ITGA7: variants seen among roughly 807,000 people sequenced by gnomAD.
The protein encoded by ITGA7 is integrin alpha-7.
ITGA7 carries 84 observed loss-of-function variants against 131.6 expected under a neutral mutation model. The ratio of observed to expected loss-of-function variants is 0.64; its 90% CI spans 0.54 to 0.77. The LOEUF (loss-of-function observed/expected upper bound fraction) is 0.77. Among genes scored for constraint, ITGA7 ranks in the 30% least tolerant of loss-of-function variants. The pLI, the probability that ITGA7 is intolerant of heterozygous loss-of-function variation, is 0.00. For missense variants in ITGA7, 1,399 were observed against 1,482.9 expected, an observed-to-expected ratio of 0.94 and a Z score of 0.93; for synonymous variants, 548 against 600.7, an observed-to-expected ratio of 0.91 and a Z score of 1.28.
chr12:55,714,243 T>C (rs1321201066), upstream of ITGA7, among the ~76,000 whole-genome samples: 5 of 151,942 alleles, frequency 3.3e-5, no homozygotes, highest in African/African-American at 1.2e-4. Flanking sequence ...CCGGGCGCGG[T>C]GGCTCACGCC....
chr12:55,686,381 C>G (rs952108803), intron 24 of ITGA7: 5 of 918,454 alleles, frequency 5.4e-6, no homozygotes, highest in Non-Finnish European at 6.1e-6. Context: ...AGGACAGGAT[C>G]CCCTATCTCT....
chr12:55,685,241 C>A lies in ITGA7; in HGVS notation c.3231G>T (p.Gln1077His). ...CCCGAGGAATCTTCACCGCATGGTA[C>A]TGGGGCACGGTGGCCTCGGGGTGCT... ...RAKHPEATVP[Q>H]YHAVKIPRED... The change falls in exon 25 of 25, where the codon CAG becomes CAT. Residue 1077 changes from glutamine (Q) to histidine (H), a missense_variant. By Grantham distance (24) the Gln-to-His change is conservative (BLOSUM62 0). Coordinates refer to ENST00000257879, the MANE Select transcript of ITGA7 (RefSeq NM_002206.3). 1 of 1,614,220 alleles carries A rather than the reference C, an allele frequency of 6.2e-7. No individual in the cohort carries two copies. The highest frequency in any genetic ancestry group is 8.5e-7 in the Non-Finnish European group (1 of 1,180,034).
intron 3 of ITGA7, 150 bp from the exon 4 acceptor site, chr12:55,701,304 G>A (rs1411451335): frequency 1.6e-5 from 25 of 1,567,404 alleles, no homozygotes; most frequent in African/African-American, 9.6e-5. Context: ...CCCCTATGCC[G>A]GCACCACTCA....
chr12:55,696,584 G>T, intron 12 of ITGA7, 152 bp from the exon 13 acceptor site: 2 of 970,724 alleles, frequency 2.1e-6, no homozygotes, highest in Non-Finnish European at 3.2e-6. Context: ...GGAGGAGGGA[G>T]AAAGACTGGG....
At position 55,696,262 on chromosome 12, in the gene ITGA7, TAA is replaced by T. The variant is rs1167778476; in HGVS notation, c.1887+19_1887+20del. Reference sequence around the variant, plus strand: ...GCCCTCCCAGCTCCTCCCCCTGGGCTAAACCAGAACCCATGCTCACCTCTGCC... The same window carrying T: ...GCCCTCCCAGCTCCTCCCCCTGGGCTACCAGAACCCATGCTCACCTCTGCC... On this transcript the variant is annotated intron_variant, in intron 13 of 24. Coordinates refer to ENST00000257879, the MANE Select transcript of ITGA7 (RefSeq NM_002206.3). The T allele has an allele frequency of 1.3e-6, 2 of 1,557,026 alleles. No homozygotes were observed. The highest frequency in any genetic ancestry group is 1.7e-6 in the Non-Finnish European group (2 of 1,151,998).
chr12:55,707,871 G>A lies in ITGA7; in HGVS notation c.-189C>T. On this transcript the variant is annotated 5_prime_UTR_variant, in exon 1 of 25. Transcript: ENST00000257879. Reference sequence around the variant, plus strand: ...CACCCCGCCGCCCCAGCACCGGCTAGGACAACTACAGCAGCCGCAGCTCCG... The same window carrying A: ...CACCCCGCCGCCCCAGCACCGGCTAAGACAACTACAGCAGCCGCAGCTCCG... The A allele has an allele frequency of 7.0e-7, 1 of 1,429,990 alleles. No homozygotes were observed. 88.6% of individuals were successfully genotyped at this position (1,429,990 alleles called of 1,614,324 possible).
rs940004287 is a variant in ITGA7, at chr12:55,697,437, C to G, written c.1505+14G>C. The G allele has an allele frequency of 7.4e-6, 12 of 1,612,270 alleles. No individual in the cohort carries two copies. Among genetic ancestry groups the G allele is most frequent in the African/African-American group, 1.3e-5 (1 of 74,884 alleles). On this transcript the variant is annotated intron_variant, in intron 10 of 24. Transcript: ENST00000257879. ...AAGCTGCCAGGGTCCAGGTGCCACC[C>G]GATCCCACCTCACCAGACCGAGTGG...
In ITGA7 at chr12:55,703,082, A is replaced by G; in HGVS notation, c.303T>C (p.Thr101=). The G allele has an allele frequency of 6.2e-7, 1 of 1,614,132 alleles. No individual in the cohort carries two copies. Among genetic ancestry groups the G allele is most frequent in the Non-Finnish European group, 8.5e-7 (1 of 1,180,044 alleles). The change falls in exon 2 of 25, where the codon ACT becomes ACC. Residue 101 remains threonine (T), a synonymous_variant. Coordinates refer to ENST00000257879, the MANE Select transcript of ITGA7 (RefSeq NM_002206.3). ...GGTCGATGTCCACTCTGTAGCAGTC[A>G]GTCTCCTCCAGGCTCAACGGGCAAG... ...LFACPLSLEE[T]DCYRVDIDQG...
chr12:55,695,511 G>GC lies in ITGA7; in HGVS notation c.2003+10dup, dbSNP rs768224050. On this transcript the variant is annotated intron_variant, in intron 14 of 24. Coordinates refer to ENST00000257879, the MANE Select transcript of ITGA7 (RefSeq NM_002206.3). ...CCCTCCCACCCCCACCCTGCTCTCT[G>GC]CCCCCCTCACATGGGCAGAGGTTGG... is the stretch of plus-strand genomic sequence containing the variant. The GC allele has an allele frequency of 3.6e-6, 5 of 1,379,508 alleles. No individual in the cohort carries two copies. The highest frequency in any genetic ancestry group is 1.4e-5 in the African/African-American group (1 of 69,460). The allele number at this position is 1,379,508 out of a possible 1,614,324, so 85.5% of individuals were successfully genotyped here. A position where few individuals can be genotyped will look rare whatever the true frequency, so the allele number is the denominator to read the frequency against.
At chr12:55,712,274 A>G, upstream of ITGA7, 2 of 1,548,710 alleles carry the variant, frequency 1.3e-6, no homozygotes, top group Middle Eastern at 1.7e-4. Flanking sequence ...AGCCATTTGG[A>G]CTGTCTCAAG....
chr12:55,709,985 A>C (rs947330850), upstream of ITGA7, among the ~76,000 whole-genome samples: 18 of 152,254 alleles, frequency 1.2e-4, no homozygotes, highest in African/African-American at 4.3e-4. Flanking sequence ...TAGTAAATTT[A>C]GACATGTAGA....
upstream of ITGA7, chr12:55,712,144 A>T (rs1179030100): frequency 6.4e-7 from 1 of 1,551,410 alleles, no homozygotes; most frequent in African/African-American, 1.4e-5. Context: ...GCTGGGAGGA[A>T]AAGAACATAA....
intron 1 of ITGA7, among the ~76,000 whole-genome samples, chr12:55,705,238 G>C (rs1423901464): frequency 1.3e-5 from 2 of 152,126 alleles, no homozygotes; most frequent in Non-Finnish European, 2.9e-5. Context: ...TGGAACAAGA[G>C]CACCCAGCAG....
intron 4 of ITGA7, chr12:55,700,245 C>G (rs201968301): frequency 7.3e-5 from 117 of 1,595,270 alleles, no homozygotes; most frequent in Non-Finnish European, 9.9e-5. Flanking sequence ...AGTTCTGGGC[C>G]GGGGAGAGGT....
In ITGA7 at chr12:55,694,558, T is replaced by G. The variant is rs1872205808; in HGVS notation, c.2278-36A>C. The G allele has an allele frequency of 6.2e-7, 1 of 1,612,736 alleles. No homozygotes were observed. The highest frequency in any genetic ancestry group is 1.1e-5 in the South Asian group (1 of 91,054). On this transcript the variant is annotated intron_variant, in intron 16 of 24. Coordinates refer to ENST00000257879, the MANE Select transcript of ITGA7 (RefSeq NM_002206.3). The surrounding 1 kb of genome is among the most constrained non-coding windows in gnomAD (Gnocchi z 5.3). ...GGTGGAAAGAGATTAGAGTCAGGGG[T>G]GGTCTACGGGCTTATGGAGAGGCTA...
intron 10 of ITGA7, 57 bp from the exon 11 acceptor site, chr12:55,697,334 C>T (rs1872852827): frequency 6.4e-7 from 1 of 1,573,174 alleles, no homozygotes; most frequent in Non-Finnish European, 8.7e-7. Flanking sequence ...AAGGCCCCTA[C>T]CCCCACCCCA....
chr12:55,706,227 A>G (rs528041916), intron 1 of ITGA7, among the ~76,000 whole-genome samples: 16 of 152,292 alleles, frequency 1.1e-4, no homozygotes, highest in African/African-American at 3.6e-4. Flanking sequence ...GAAGGGAGGG[A>G]GGGAGCAAAG....
chr12:55,705,516 C>G (rs1165826572), intron 1 of ITGA7, among the ~76,000 whole-genome samples: 1 of 152,282 alleles, frequency 6.6e-6, no homozygotes, highest in Non-Finnish European at 1.5e-5. Context: ...AGTCCAGCCC[C>G]TCTTTGGCCC....
rs139711828 is a variant in ITGA7 at position 55,684,669 on chromosome 12, C to G, written c.*389G>C. On this transcript the variant is annotated 3_prime_UTR_variant, in exon 25 of 25. Transcript: ENST00000257879. ...ATGAGAGGGGAAACTAGAGAAGGAG[C>G]AGCCTGAGTCAGTGACACAACCTCC... The G allele has an allele frequency of 1.1e-3, 255 of 224,006 alleles. No individual in the cohort carries two copies. The highest frequency in any genetic ancestry group is 2.7e-3 in the Admixed American group (52 of 19,516). The allele number at this position is 224,006 out of a possible 1,614,324, so 13.9% of individuals were successfully genotyped here.
Sources: allele counts gnomAD v4.1 joint callset (sites outside exome capture counted in the v4.1 genomes callset), GRCh38; gene constraint gnomAD v4.1.1; non-coding constraint Gnocchi (gnomAD v3.1); transcripts MANE v1.5; gene names NCBI Gene and HGNC (gene_info 2026-07-23, HGNC 2026-07-21).